SKAP1: variants seen among roughly 807,000 people sequenced by gnomAD.
SKAP1 encodes src kinase-associated phosphoprotein 1.
A neutral mutation model predicts 58.5 loss-of-function variants in SKAP1; 44 were observed. The ratio of observed to expected loss-of-function variants is 0.75; its 90% CI spans 0.59 to 0.97. The LOEUF is 0.97. Among genes scored for constraint, SKAP1 ranks in the 50% least tolerant of loss-of-function variants. The probability of loss-of-function intolerance (pLI) is 0.00; values close to 1 mark genes in which losing one functional copy is unlikely to be tolerated. For missense variants in SKAP1, 390 were observed against 435.2 expected, an observed-to-expected ratio of 0.90 and a Z score of 0.92; for synonymous variants, 127 against 149.7, an observed-to-expected ratio of 0.85 and a Z score of 1.11.
Position 48,384,070 on chromosome 17 carries a change from G to A in SKAP1, c.152+12610C>T, listed in dbSNP as rs1033255131. ...AAGTTTGCTCTTTCAACATGGAATG[G>A]AGGAGCAGAATAAACTGGAACAGGG... is the stretch of plus-strand genomic sequence containing the variant. On this transcript the variant is annotated intron_variant, in intron 2 of 12. Coordinates refer to ENST00000336915, the MANE Select transcript of SKAP1 (RefSeq NM_003726.4). Among the ~76,000 whole-genome samples the A allele has an allele frequency of 7.2e-5, 11 of 152,254 alleles. No homozygotes were observed. The South Asian group carries it at 2.3e-3, about 32-fold the overall frequency.
intron 2 of SKAP1, among the ~76,000 whole-genome samples, chr17:48,395,836 C>A (rs1162952796): frequency 6.6e-6 from 1 of 152,126 alleles, no homozygotes; most frequent in Admixed American, 6.5e-5. Context: ...TGTGCCCTTC[C>A]GAAGGATAAA....
intron 3 of SKAP1, among the ~76,000 whole-genome samples, chr17:48,360,922 C>T (rs1043570162): frequency 3.3e-5 from 5 of 151,992 alleles, no homozygotes; most frequent in African/African-American, 1.2e-4. Flanking sequence ...TCTTCAACAA[C>T]CTTGCAATGA....
chr17:48,444,451 G>T, the SKAP1 span, among the ~76,000 whole-genome samples: 13 of 152,326 alleles, frequency 8.5e-5, no homozygotes, highest in African/African-American at 2.6e-4. Flanking sequence ...AAGGGCACAT[G>T]AACTTTAATT....
At chr17:48,441,678 G>A in the SKAP1 span, among the ~76,000 whole-genome samples, 1 of 152,156 alleles carries the variant, frequency 6.6e-6, no homozygotes, top group African/African-American at 2.4e-5. Context: ...TGATTGCTCA[G>A]GGGTTTCATT....
chr17:48,258,713 T>C (rs1407327379), intron 4 of SKAP1, among the ~76,000 whole-genome samples: 1 of 152,140 alleles, frequency 6.6e-6, no homozygotes, highest in Non-Finnish European at 1.5e-5. Flanking sequence ...AGACTTGTTT[T>C]ACTTCAGACA....
chr17:48,425,772 A>G (rs1487068694), intron 1 of SKAP1, among the ~76,000 whole-genome samples: 1 of 152,238 alleles, frequency 6.6e-6, no homozygotes, highest in Non-Finnish European at 1.5e-5. Flanking sequence ...AAGGGTGCAA[A>G]GTGATAGGCC....
Position 48,416,184 on chromosome 17 carries a change from T to C in SKAP1, c.46+13891A>G, listed in dbSNP as rs181681938. On this transcript the variant is annotated intron_variant, in intron 1 of 12. Coordinates refer to ENST00000336915, the MANE Select transcript of SKAP1 (RefSeq NM_003726.4). ...GCAGGATGCTATTTCAGCCTCATCT[T>C]CTCTTAAATTTTCAATGATACCTGT... Among the ~76,000 whole-genome samples, 966 of 150,816 alleles carry C rather than the reference T, an allele frequency of 6.4e-3. 8 individuals are homozygous for C. Among genetic ancestry groups the C allele is most frequent in the Middle Eastern group, 0.02 (6 of 294 alleles).
At chr17:48,210,110 T>C (rs1029193544) in intron 4 of SKAP1, among the ~76,000 whole-genome samples, 2 of 152,206 alleles carry the variant, frequency 1.3e-5, no homozygotes, top group African/African-American at 4.8e-5. Context: ...CACAGCTGTC[T>C]GTACCTATGC....
chr17:48,159,350 T>G (rs1391607714), intron 11 of SKAP1, among the ~76,000 whole-genome samples: 1 of 152,144 alleles, frequency 6.6e-6, no homozygotes, highest in African/African-American at 2.4e-5. Flanking sequence ...TTTTAACAGG[T>G]GAAGAAACAA....
chr17:48,275,483 A>G (rs1411516794), intron 4 of SKAP1, among the ~76,000 whole-genome samples: 1 of 152,166 alleles, frequency 6.6e-6, no homozygotes, highest in Non-Finnish European at 1.5e-5. Flanking sequence ...TGGATTATCT[A>G]TCTCTTGACC....
At chr17:48,287,548 A>G (rs2065846398) in intron 4 of SKAP1, among the ~76,000 whole-genome samples, 1 of 152,200 alleles carries the variant, frequency 6.6e-6, no homozygotes, top group African/African-American at 2.4e-5. Context: ...AATTTTTGGT[A>G]AGAAAGAAAA....
chr17:48,240,425 A>T (rs912749922), intron 4 of SKAP1, among the ~76,000 whole-genome samples: 12 of 4,956 alleles, frequency 2.4e-3, no homozygotes, highest in Admixed American at 6.6e-3. Context: ...TAAAAAAATA[A>T]AAAAAAGCAA....
chr17:48,424,598 T>A (rs929876732), intron 1 of SKAP1, among the ~76,000 whole-genome samples: 1 of 151,894 alleles, frequency 6.6e-6, no homozygotes, highest in African/African-American at 2.4e-5. Context: ...ATAAAAATTT[T>A]GGCAAATCAC....
intron 1 of SKAP1, among the ~76,000 whole-genome samples, chr17:48,400,581 C>T (rs1401234436): frequency 2.6e-5 from 4 of 151,706 alleles, no homozygotes; most frequent in Non-Finnish European, 5.9e-5. Flanking sequence ...GAAACCCCGC[C>T]TCTACAAAAA....
chr17:48,414,359 T>C (rs2067706507), intron 1 of SKAP1, among the ~76,000 whole-genome samples: 1 of 152,224 alleles, frequency 6.6e-6, no homozygotes, highest in African/African-American at 2.4e-5. Flanking sequence ...GGCCCAGGCA[T>C]GGGAACATCA....
chr17:48,155,614 T>G (rs186678934), intron 11 of SKAP1, among the ~76,000 whole-genome samples: 36 of 151,438 alleles, frequency 2.4e-4, no homozygotes, highest in African/African-American at 8.2e-4. Flanking sequence ...TCCAGCACTT[T>G]GGAAGGCCGA....
At chr17:48,438,822 GC>G in the SKAP1 span, among the ~76,000 whole-genome samples, 9 of 152,196 alleles carry the variant, frequency 5.9e-5, no homozygotes, top group African/African-American at 2.2e-4. Flanking sequence ...TGCCAGCAGG[GC>G]TAAGCTCTAC....
At chr17:48,365,280 T>C (rs988424536) in intron 2 of SKAP1, among the ~76,000 whole-genome samples, 11 of 152,186 alleles carry the variant, frequency 7.2e-5, no homozygotes, top group Non-Finnish European at 1.3e-4. Context: ...AAAATAGCAG[T>C]GGTGGAAAGG....
chr17:48,137,547 AT>A (rs1279893783), intron 11 of SKAP1, among the ~76,000 whole-genome samples: 1 of 152,212 alleles, frequency 6.6e-6, no homozygotes, highest in Non-Finnish European at 1.5e-5. Context: ...TCCTGTCTAC[AT>A]TGTAAAATTA....
Sources: gnomAD v4.1 joint callset for allele counts (sites outside exome capture counted in the v4.1 genomes callset) on GRCh38, gnomAD v4.1.1 for gene constraint, MANE v1.5 for transcripts, NCBI Gene and HGNC (gene_info 2026-07-23, HGNC 2026-07-21) for gene names.